The following PXDN variants were observed in gnomAD, a reference collection of about 807,000 sequenced individuals.
PXDN encodes peroxidasin homolog.
In PXDN, 77 loss-of-function variants were observed where a neutral mutation model predicts 140.3. The ratio of observed to expected loss-of-function variants is 0.55; its 90% confidence interval spans 0.46 to 0.66. The LOEUF (loss-of-function observed/expected upper bound fraction) is 0.66, where lower values mean the gene tolerates loss of function less well. Among genes scored for constraint, PXDN ranks in the 30% least tolerant of loss-of-function variants. The probability of loss-of-function intolerance (pLI) is 0.00; values close to 1 mark genes in which losing one functional copy is unlikely to be tolerated. For synonymous variants in PXDN, 911 were observed against 857.4 expected (o/e 1.06, Z -1.09); for missense variants, 1,838 against 2,039.5 (o/e 0.90, Z 1.90).
intron 1 of PXDN, among the ~76,000 whole-genome samples, chr2:1,713,952 A>G (rs1684840252): frequency 6.6e-6 from 1 of 152,246 alleles, no homozygotes; most frequent in African/African-American, 2.4e-5. Flanking sequence ...ACAGGCTCCC[A>G]GGCTCTCCTG....
At chr2:1,642,717 C>T (rs185718340) in intron 19 of PXDN, among the ~76,000 whole-genome samples, 1 of 152,206 alleles carries the variant, frequency 6.6e-6, no homozygotes, top group Admixed American at 6.5e-5. Context: ...GTTAGGAATG[C>T]GAAGCAGGAA....
chr2:1,649,922 C>G lies in PXDN; in HGVS notation c.2105-247G>C, dbSNP rs1320529956. On this transcript the variant is annotated intron_variant, in intron 16 of 22. Coordinates refer to ENST00000252804, the MANE Select transcript of PXDN (RefSeq NM_012293.3). The surrounding 1 kb of genome is among the most constrained non-coding windows in gnomAD (Gnocchi z 7.1). The stretch of plus-strand genomic sequence containing the variant: ...CACAGCCCCAGTTTCTGGGCCCTGT[C>G]TCCCCTCCCCACTTAGCAGTCTCAT... 6.6e-6 allele frequency among the ~76,000 whole-genome samples: 1 copy of G among 152,162 alleles called. No homozygotes were observed. Among genetic ancestry groups the G allele is most frequent in the African/African-American group, 2.4e-5 (1 of 41,440 alleles).
rs560106996 is a variant in PXDN at position 1,683,242 on chromosome 2, C to CAA, written c.560+412_560+413dup. Among the ~76,000 whole-genome samples the CAA allele has an allele frequency of 7.8e-5, 11 of 140,498 alleles. No individual in the cohort carries two copies. In the East Asian group the frequency reaches 8.3e-4, roughly 11 times the overall value. 92.2% of individuals were successfully genotyped at this position (140,498 alleles called of 152,430 possible). On this transcript the variant is annotated intron_variant, in intron 6 of 22. Coordinates refer to ENST00000252804, the MANE Select transcript of PXDN (RefSeq NM_012293.3). ...AAAAAAGAAAAAAAGAAAGAAAAACCAAAAAAAAAAACCCACAAAATTACA... is the reference window on the plus strand; with the variant it reads ...AAAAAAGAAAAAAAGAAAGAAAAACCAAAAAAAAAAAAACCCACAAAATTACA...
chr2:1,640,616 C>T (rs1442765417), intron 19 of PXDN, among the ~76,000 whole-genome samples: 1 of 152,248 alleles, frequency 6.6e-6, no homozygotes, highest in Admixed American at 6.5e-5. Context: ...GGACCCCTCG[C>T]TTCTTCCACC....
At chr2:1,677,817 T>C (rs1228703869) in intron 7 of PXDN, among the ~76,000 whole-genome samples, 3 of 152,250 alleles carry the variant, frequency 2.0e-5, no homozygotes, top group African/African-American at 4.8e-5. Context: ...AGTGTGCGAA[T>C]CTGTCTCCAT....
intron 9 of PXDN, chr2:1,669,751 A>C (rs1308508257): frequency 6.6e-6 from 1 of 152,184 alleles, no homozygotes; most frequent in African/African-American, 2.4e-5. Context: ...AGGCAGGAGA[A>C]TCACTTGAAC....
In PXDN at chr2:1,634,334, G is replaced by C. The variant is rs1682491720; in HGVS notation, c.4321-11C>G. 2 of 1,566,916 alleles carry C rather than the reference G, an allele frequency of 1.3e-6. No individual in the cohort carries two copies. The highest frequency in any genetic ancestry group is 1.7e-6 in the Non-Finnish European group (2 of 1,155,256). On this transcript the variant is annotated splice_polypyrimidine_tract_variant and intron_variant, in intron 22 of 22. Transcript: ENST00000252804. Reference sequence around the variant, plus strand: ...GGTGACCTGCCCGTCCTGGAGAAGAGAGACGGAGCACAGCCTGTCAGCTCT... The same window carrying C: ...GGTGACCTGCCCGTCCTGGAGAAGACAGACGGAGCACAGCCTGTCAGCTCT...
intron 22 of PXDN, among the ~76,000 whole-genome samples, chr2:1,635,174 C>T (rs554241478): frequency 2.1e-5 from 3 of 142,922 alleles, no homozygotes; most frequent in African/African-American, 5.1e-5. Flanking sequence ...AGGGGCTGCC[C>T]GCCCTCTGTG....
At chr2:1,647,775 G>A (rs1177176461) in intron 17 of PXDN, among the ~76,000 whole-genome samples, 1 of 152,228 alleles carries the variant, frequency 6.6e-6, no homozygotes, top group Non-Finnish European at 1.5e-5. Flanking sequence ...ACAACAGCAG[G>A]AACCCGAAGC....
At chr2:1,676,722 AG>A in intron 8 of PXDN, 1 of 599,416 alleles carries the variant, frequency 1.7e-6, no homozygotes, top group Non-Finnish European at 3.0e-6. Context: ...AGAGTGGGGA[AG>A]GGGCCCCAGC....
At position 1,687,753 on chromosome 2, in the gene PXDN, C is replaced by G. The variant is rs1449445918; in HGVS notation, c.345-50G>C. 7.4e-7 allele frequency: 1 copy of G among 1,350,880 alleles called. No homozygotes were observed. Among genetic ancestry groups the G allele is most frequent in the Admixed American group, 1.9e-5 (1 of 51,896 alleles). 83.7% of individuals were successfully genotyped at this position (1,350,880 alleles called of 1,614,324 possible). A position where few individuals can be genotyped will look rare whatever the true frequency, so the allele number is the denominator to read the frequency against. ...ATTAGCACACAGACAGGAGGTCAAA[C>G]TTCAGACGGAAAAGAAGAATTAAAT... On this transcript the variant is annotated intron_variant, in intron 3 of 22. Transcript: ENST00000252804. The surrounding 1 kb of genome is among the most constrained non-coding windows in gnomAD (Gnocchi z 4.0).
rs539570654 is a variant in PXDN at position 1,705,812 on chromosome 2, G to A, written c.201-12678C>T. ...TCCCCACGACCTGGGATGCAGGTGCGGCTGCCTATGACCTGGGACGCAGGG... is the reference window on the plus strand; with the variant it reads ...TCCCCACGACCTGGGATGCAGGTGCAGCTGCCTATGACCTGGGACGCAGGG... On this transcript the variant is annotated intron_variant, in intron 1 of 22. Transcript: ENST00000252804. Among the ~76,000 whole-genome samples, 23 of 147,718 alleles carry A rather than the reference G, an allele frequency of 1.6e-4. No homozygotes were observed. In the East Asian group the frequency reaches 2.2e-3, roughly 14 times the overall value.
chr2:1,691,900 T>C, intron 3 of PXDN, 28 bp downstream of exon 3: 2 of 1,376,412 alleles, frequency 1.5e-6, no homozygotes, highest in Non-Finnish European at 2.0e-6. Flanking sequence ...CATAAGCTTT[T>C]AGGTTAAAGA....
At chr2:1,666,535 T>A (rs897907869) in intron 9 of PXDN, 49 bp from the exon 10 acceptor site, 24 of 1,529,088 alleles carry the variant, frequency 1.6e-5, no homozygotes, top group Non-Finnish European at 2.0e-5. Context: ...CGGTTTGACA[T>A]GGTTTTTGCT....
intron 1 of PXDN, among the ~76,000 whole-genome samples, chr2:1,731,708 C>A (rs6714537): frequency 0.17 from 25,565 of 152,104 alleles, 2,448 homozygotes; most frequent in East Asian, 0.45. Flanking sequence ...GCACAAAACA[C>A]GCAGCTATCC....
intron 1 of PXDN, among the ~76,000 whole-genome samples, chr2:1,713,033 G>T (rs1267899038): frequency 6.6e-6 from 1 of 152,150 alleles, no homozygotes; most frequent in African/African-American, 2.4e-5. Flanking sequence ...CCGTTTTGGA[G>T]TATGTTGTAT....
In PXDN at chr2:1,648,983, G is replaced by A. The variant is rs780009642; in HGVS notation, c.2797C>T (p.Arg933Cys). 25 of 1,610,394 alleles carry A rather than the reference G, an allele frequency of 1.6e-5. No homozygotes were observed. The highest frequency in any genetic ancestry group is 2.1e-5 in the Non-Finnish European group (25 of 1,178,372). ...ACGATGCCCTGCCGCAGCAGGCCGC[G>A]GTGGCTGGCCAGGTCGCGGATGCTG... Reference protein sequence around the residue: ...ARSIRDLASHRGLLRQGIVQR... With the variant: ...ARSIRDLASHCGLLRQGIVQR... The change falls in exon 17 of 23, where the codon CGC becomes TGC. Residue 933 changes from arginine to cysteine, a missense_variant. Coordinates refer to ENST00000252804, the MANE Select transcript of PXDN (RefSeq NM_012293.3). This position sits in a 1 kb window ranked among gnomAD's most constrained non-coding sequence, Gnocchi z 8.9.
At position 1,662,198 on chromosome 2, in the gene PXDN, G is replaced by A. The variant is rs1033521906; in HGVS notation, c.1568-14C>T. The A allele has an allele frequency of 1.3e-6, 2 of 1,568,638 alleles. No homozygotes were observed. Among genetic ancestry groups the A allele is most frequent in the African/African-American group, 1.3e-5 (1 of 74,088 alleles). On this transcript the variant is annotated splice_polypyrimidine_tract_variant and intron_variant, in intron 12 of 22. Transcript: ENST00000252804. The stretch of plus-strand genomic sequence containing the variant: ...ACACTGGGGTGACTGGAAGGCAGAT[G>A]TAGAGAATCCAGGAGAACGAGTCAA...
Position 1,666,310 on chromosome 2 carries a change from T to G in PXDN, c.1195A>C (p.Ile399Leu). The G allele has an allele frequency of 6.2e-7, 1 of 1,614,052 alleles. No homozygotes were observed. Among genetic ancestry groups the G allele is most frequent in the Non-Finnish European group, 8.5e-7 (1 of 1,179,900 alleles). Residue 399 changes from isoleucine to leucine, a missense_variant, in exon 10 of 23, where the codon ATA (isoleucine) becomes CTA (leucine). By Grantham distance (5) the Ile-to-Leu change is conservative. This residue lies in a region of PXDN where 537 missense variants were observed against 583.9 expected (regional missense o/e 0.92). Transcript: ENST00000252804. ...VNITPSGGLY[I>L]QNVVQGDSGE... Reference sequence around the variant, plus strand: ...CTGTCCCCCTGTACGACGTTCTGTATGTAAAGCCCGCCAGAAGGCGTGATG... The same window carrying G: ...CTGTCCCCCTGTACGACGTTCTGTAGGTAAAGCCCGCCAGAAGGCGTGATG...
Sources: gnomAD v4.1 joint callset for allele counts (sites outside exome capture counted in the v4.1 genomes callset) on GRCh38, gnomAD v4.1.1 for gene constraint, gnomAD v4.1.1 regional missense constraint, Gnocchi (gnomAD v3.1) non-coding constraint, MANE v1.5 for transcripts, NCBI Gene and HGNC (gene_info 2026-07-23, HGNC 2026-07-21) for gene names.